ADAM22: variants seen among roughly 807,000 people sequenced by gnomAD.
ADAM22 encodes disintegrin and metalloproteinase domain-containing protein 22.
In ADAM22, 65 loss-of-function variants were observed where a neutral mutation model predicts 144.6. That is an observed-to-expected ratio of 0.45 (90% CI 0.37 to 0.55). ADAM22 has a LOEUF of 0.55. Ranked by LOEUF, ADAM22 falls within the 20% of genes least tolerant of loss-of-function variation. The pLI, the probability that ADAM22 is intolerant of heterozygous loss-of-function variation, is 0.00. For synonymous variants in ADAM22, 391 were observed against 412.6 expected (o/e 0.95, Z 0.63); for missense variants, 974 against 1,184.9 (o/e 0.82, Z 2.61).
intron 14 of ADAM22, among the ~76,000 whole-genome samples, chr7:88,137,526 C>T (rs1833302216): frequency 6.6e-6 from 1 of 152,198 alleles, no homozygotes; most frequent in Admixed American, 6.5e-5. Flanking sequence ...TTACCAACTT[C>T]ATTTGATTTC....
rs531102035 is a variant in ADAM22 at position 87,970,328 on chromosome 7, G to T, written c.247-8008G>T. Among the ~76,000 whole-genome samples, 6 of 152,232 alleles carry T rather than the reference G, an allele frequency of 3.9e-5. No homozygotes were observed. The South Asian group carries it at 1.2e-3, about 32-fold the overall frequency. The stretch of plus-strand genomic sequence containing the variant: ...AGTTTTTTTAAACTGAGCTGAAAGA[G>T]TCAAATGGCAAATATGTGTTTAGGA... On this transcript the variant is annotated intron_variant, in intron 2 of 31. Transcript: ENST00000413139.
chr7:87,935,248 T>C, intron 2 of ADAM22, 62 bp downstream of exon 2: 1 of 1,465,220 alleles, frequency 6.8e-7, no homozygotes, highest in Non-Finnish European at 9.0e-7. Context: ...GACCCCACGA[T>C]TGCGCTCGGT....
chr7:88,052,577 A>G (rs564042180), intron 3 of ADAM22, among the ~76,000 whole-genome samples: 21 of 152,314 alleles, frequency 1.4e-4, no homozygotes, highest in African/African-American at 4.8e-4. Flanking sequence ...TTTAGCAAAC[A>G]TAACCTAAAA....
chr7:88,095,924 G>A (rs565110427), intron 4 of ADAM22, among the ~76,000 whole-genome samples: 51 of 64,380 alleles, frequency 7.9e-4, no homozygotes, highest in Non-Finnish European at 1.4e-3. Flanking sequence ...CTCCCCACCC[G>A]CCCCCCACCC....
chr7:88,031,930 G>A (rs1380653654), intron 3 of ADAM22, among the ~76,000 whole-genome samples: 2 of 152,244 alleles, frequency 1.3e-5, no homozygotes, highest in Non-Finnish European at 2.9e-5. Context: ...TCCAGATGGT[G>A]TTAGGCCTGT....
intron 5 of ADAM22, among the ~76,000 whole-genome samples, chr7:88,111,313 A>G (rs1475257700): frequency 1.3e-5 from 2 of 152,236 alleles, no homozygotes; most frequent in Admixed American, 1.3e-4. Context: ...TGGTTTAGAT[A>G]TGAGATATAT....
intron 7 of ADAM22, among the ~76,000 whole-genome samples, chr7:88,122,184 C>T (rs888369491): frequency 1.3e-5 from 2 of 152,192 alleles, no homozygotes; most frequent in Non-Finnish European, 2.9e-5. Flanking sequence ...TGGTTTCTTG[C>T]TGGCTTTTGG....
chr7:88,116,910 C>T (rs1827898456), intron 7 of ADAM22, 96 bp downstream of exon 7: 1 of 907,088 alleles, frequency 1.1e-6, no homozygotes, highest in South Asian at 1.7e-5. Context: ...ATCATTAGCC[C>T]ACATCTGCTT....
intron 2 of ADAM22, among the ~76,000 whole-genome samples, chr7:87,962,612 T>C (rs1357907272): frequency 6.6e-6 from 1 of 152,120 alleles, no homozygotes; most frequent in Non-Finnish European, 1.5e-5. Flanking sequence ...GCTAGAACAT[T>C]CTGTGGACTT....
In ADAM22 at chr7:88,178,292, T is replaced by A. The variant is rs567350061; in HGVS notation, c.2301-643T>A. 1.1e-4 allele frequency among the ~76,000 whole-genome samples: 16 copies of A among 152,274 alleles called. No homozygotes were observed. The East Asian group carries it at 2.5e-3, about 24-fold the overall frequency. On this transcript the variant is annotated intron_variant, in intron 26 of 31. Coordinates refer to ENST00000413139, the MANE Select transcript of ADAM22 (RefSeq NM_001324418.2). ...GTTATTTTTTTCAACCTTTTCTTGC[T>A]CTTGTTAAATTATCTTCCTTCACAT...
intron 3 of ADAM22, among the ~76,000 whole-genome samples, chr7:88,013,788 A>G (rs1347904861): frequency 6.6e-6 from 1 of 152,194 alleles, no homozygotes; most frequent in African/African-American, 2.4e-5. Context: ...TAGTATGTTC[A>G]TACTCATAGG....
At chr7:88,088,211 C>A (rs1373820925) in intron 4 of ADAM22, among the ~76,000 whole-genome samples, 1 of 152,084 alleles carries the variant, frequency 6.6e-6, no homozygotes, top group African/African-American at 2.4e-5. Context: ...TCTGTGGAAA[C>A]AAAGTAACAA....
intron 3 of ADAM22, among the ~76,000 whole-genome samples, chr7:88,052,250 CA>C (rs1377656013): frequency 6.6e-6 from 1 of 151,388 alleles, no homozygotes; most frequent in Admixed American, 6.6e-5. Context: ...GTAATCCCAG[CA>C]CTTTGGGAGA....
rs915408747 is a variant in ADAM22 at position 88,042,391 on chromosome 7, G to C, written c.324-33235G>C. On this transcript the variant is annotated intron_variant, in intron 3 of 31. Transcript: ENST00000413139. ...GTGGATTATGTTGATCTGGTATATAGCTGGTATGAAACTAAATACTGACAC... is the reference window on the plus strand; with the variant it reads ...GTGGATTATGTTGATCTGGTATATACCTGGTATGAAACTAAATACTGACAC... 3.3e-5 allele frequency among the ~76,000 whole-genome samples: 5 copies of C among 150,400 alleles called. No homozygotes were observed. The Admixed American group carries it at 3.4e-4, about 10-fold the overall frequency.
intron 4 of ADAM22, among the ~76,000 whole-genome samples, chr7:88,077,260 AATT>A (rs1241524927): frequency 6.6e-6 from 1 of 152,212 alleles, no homozygotes; most frequent in Non-Finnish European, 1.5e-5. Flanking sequence ...TTCTGAAGAT[AATT>A]GAGTTTTTCC....
At chr7:87,948,002 C>T (rs1844127149) in intron 2 of ADAM22, among the ~76,000 whole-genome samples, 1 of 152,200 alleles carries the variant, frequency 6.6e-6, no homozygotes, top group African/African-American at 2.4e-5. Context: ...ATACCCCCAA[C>T]ATTACATCAG....
intron 3 of ADAM22, among the ~76,000 whole-genome samples, chr7:88,036,188 C>T (rs1163500940): frequency 1.3e-5 from 2 of 152,146 alleles, no homozygotes; most frequent in Non-Finnish European, 2.9e-5. Flanking sequence ...TAGGCTTTCA[C>T]TGCTTATTTT....
chr7:88,144,068 G>A (rs1427309097), intron 15 of ADAM22, among the ~76,000 whole-genome samples: 3 of 152,030 alleles, frequency 2.0e-5, no homozygotes, highest in Non-Finnish European at 2.9e-5. Context: ...GATCAGTTTC[G>A]ACCAAAAATG....
At chr7:88,119,507 G>A (rs1828688430) in intron 7 of ADAM22, among the ~76,000 whole-genome samples, 1 of 152,116 alleles carries the variant, frequency 6.6e-6, no homozygotes, top group Non-Finnish European at 1.5e-5. Context: ...TCAGGGGTGG[G>A]GGATGGGGTC....
Sources: gnomAD v4.1 joint callset for allele counts (sites outside exome capture counted in the v4.1 genomes callset) on GRCh38, gnomAD v4.1.1 for gene constraint, MANE v1.5 for transcripts, NCBI Gene and HGNC (gene_info 2026-07-23, HGNC 2026-07-21) for gene names.